REST: variants seen among roughly 807,000 people sequenced by gnomAD.
REST encodes RE1 silencing transcription factor, also known as RE1-silencing transcription factor.
Under a neutral mutation model 30.4 loss-of-function variants are expected in REST, and 1 was observed. The ratio of observed to expected loss-of-function variants is 0.03; its 90% CI spans 0.01 to 0.16. The LOEUF is 0.16. Among genes scored for constraint, REST ranks in the 10% least tolerant of loss-of-function variants. The pLI is 1.00. For missense variants in REST, 1,259 were observed against 1,329.5 expected (o/e 0.95, Z 0.82); for synonymous variants, 504 against 451.1 (o/e 1.12, Z -1.49).
chr4:56,919,698 G>T, intron 2 of REST, 89 bp from the exon 3 acceptor site: 1 of 673,716 alleles, frequency 1.5e-6, no homozygotes, highest in South Asian at 2.9e-5. Flanking sequence ...AAAATGTGCT[G>T]AGCGCTGAAC....
rs17087265 is a variant in REST, at chr4:56,922,067, C to T, written c.982+2197C>T. Among the ~76,000 whole-genome samples, 3,501 of 152,186 alleles carry T rather than the reference C, an allele frequency of 0.023. 293 individuals are homozygous for T. In the East Asian group the frequency reaches 0.25, roughly 11 times the overall value. ...TGCTAGCCTTTCTTGACCCTACGTGCTTGTCACGCTAATGTACTTTGAGTG... is the reference window on the plus strand; with the variant it reads ...TGCTAGCCTTTCTTGACCCTACGTGTTTGTCACGCTAATGTACTTTGAGTG... On this transcript the variant is annotated intron_variant, in intron 3 of 3. Coordinates refer to ENST00000309042, the MANE Select transcript of REST (RefSeq NM_005612.5).
chr4:56,932,738 GTGT>G lies in REST; in HGVS notation c.*588_*590del. The stretch of plus-strand genomic sequence containing the variant: ...TCGTCATAAAAACAGTGATTTTGGT[GTGT>G]TTTTTATTTTGGTGCTTTAATGGCT... On this transcript the variant is annotated 3_prime_UTR_variant, in exon 4 of 4. Transcript: ENST00000309042. 6.6e-6 allele frequency: 1 copy of G among 151,724 alleles called. No individual in the cohort carries two copies. Among genetic ancestry groups the G allele is most frequent in the South Asian group, 2.1e-4 (1 of 4,806 alleles). 9.4% of individuals were successfully genotyped at this position (151,724 alleles called of 1,614,324 possible).
chr4:56,915,846 T>C (rs1019276092), intron 2 of REST, among the ~76,000 whole-genome samples: 2 of 152,172 alleles, frequency 1.3e-5, no homozygotes, highest in East Asian at 3.9e-4. Flanking sequence ...GAACAATCCA[T>C]TGAGGAAAAT....
At position 56,932,174 on chromosome 4, in the gene REST, A is replaced by G. The variant is rs1470760885; in HGVS notation, c.*22A>G. ...GTAATGAAACTTTGAACAAGGTTTC[A>G]GTTCTTAGTTTGTAAGGTATATTAC... On this transcript the variant is annotated 3_prime_UTR_variant, in exon 4 of 4. Coordinates refer to ENST00000309042, the MANE Select transcript of REST (RefSeq NM_005612.5). The G allele has an allele frequency of 1.3e-6, 2 of 1,576,490 alleles. No individual in the cohort carries two copies. The highest frequency in any genetic ancestry group is 1.7e-6 in the Non-Finnish European group (2 of 1,162,866).
At chr4:56,924,294 T>C (rs527565334) in intron 3 of REST, among the ~76,000 whole-genome samples, 6 of 152,326 alleles carry the variant, frequency 3.9e-5, no homozygotes, top group African/African-American at 1.4e-4. Context: ...TGAGATATAA[T>C]TTATAAATTT....
Position 56,931,622 on chromosome 4 carries a change from T to C in REST, c.2764T>C (p.Ser922Pro). The part of the protein sequence containing the change: ...NINESTHISS[S>P]GQNLNTPEGE... ...CAACGAATCTACCCATATTTCATCCTCTGGACAAAACTTGAATACGCCAGA... is the reference window on the plus strand; with the variant it reads ...CAACGAATCTACCCATATTTCATCCCCTGGACAAAACTTGAATACGCCAGA... The change falls in exon 4 of 4, where the codon TCT becomes CCT. Residue 922 changes from serine to proline, a missense_variant. Ser to Pro is a moderately conservative substitution (Grantham distance 74). Around this residue, in one of 5 missense-constraint regions of REST, gnomAD observed 856 missense variants for 772.8 expected, o/e 1.11. Coordinates refer to ENST00000309042, the MANE Select transcript of REST (RefSeq NM_005612.5). The C allele has an allele frequency of 6.2e-7, 1 of 1,614,218 alleles. No individual in the cohort carries two copies.
At chr4:56,929,048 T>A (rs1720841041) in intron 3 of REST, among the ~76,000 whole-genome samples, 1 of 151,078 alleles carries the variant, frequency 6.6e-6, no homozygotes, top group African/African-American at 2.4e-5. Flanking sequence ...ACAGGTGCAC[T>A]CCACTATGCC....
intron 3 of REST, among the ~76,000 whole-genome samples, chr4:56,926,412 T>C (rs1276999176): frequency 1.3e-5 from 2 of 151,366 alleles, no homozygotes; most frequent in Non-Finnish European, 2.9e-5. Context: ...AGTCTTGCTC[T>C]GTTGCCCAGG....
In REST at chr4:56,934,340, G is replaced by T. The variant is rs1281267054; in HGVS notation, c.*2188G>T. The T allele has an allele frequency of 6.6e-6, 1 of 152,026 alleles. No individual in the cohort carries two copies. The highest frequency in any genetic ancestry group is 1.5e-5 in the Non-Finnish European group (1 of 67,990). The allele number at this position is 152,026 out of a possible 1,614,324, so 9.4% of individuals were successfully genotyped here. A position where few individuals can be genotyped will look rare whatever the true frequency, so the allele number is the denominator to read the frequency against. On this transcript the variant is annotated 3_prime_UTR_variant, in exon 4 of 4. Coordinates refer to ENST00000309042, the MANE Select transcript of REST (RefSeq NM_005612.5). The stretch of plus-strand genomic sequence containing the variant: ...AGTTTGGGGAAGAGGTTTTTTTGTG[G>T]ATTCTTTCATACTGCAAAGAAAAAC...
chr4:56,908,435 G>T (rs1002587890), intron 1 of REST, among the ~76,000 whole-genome samples: 1 of 151,838 alleles, frequency 6.6e-6, no homozygotes, highest in African/African-American at 2.4e-5. Flanking sequence ...GGGGGCGTTT[G>T]TTGGGAGCAG....
chr4:56,913,201 C>T (rs1169547947), intron 2 of REST, among the ~76,000 whole-genome samples: 2 of 151,798 alleles, frequency 1.3e-5, no homozygotes. Flanking sequence ...GGAGTCTCAC[C>T]CTGGAGCCCA....
chr4:56,910,599 G>T (rs1165579832), intron 1 of REST, 31 bp from the exon 2 acceptor site: 2 of 1,547,170 alleles, frequency 1.3e-6, no homozygotes, highest in Admixed American at 1.8e-5. Flanking sequence ...GTTTAAACTG[G>T]TGCTCTTGTT....
intron 2 of REST, among the ~76,000 whole-genome samples, chr4:56,915,939 C>G (rs1318527140): frequency 6.6e-6 from 1 of 152,170 alleles, no homozygotes; most frequent in African/African-American, 2.4e-5. Flanking sequence ...AGGTCATATA[C>G]AAGTATCATT....
Position 56,910,678 on chromosome 4 carries a change from G to A in REST, c.40G>A (p.Gly14Arg), listed in dbSNP as rs1216190809. Residue 14 changes from glycine (G) to arginine (R), a missense_variant, in exon 2 of 4, where the codon GGG becomes AGG. Physicochemically the swap from Gly to Arg is moderately radical, Grantham distance 125. Around this residue, in one of 5 missense-constraint regions of REST, gnomAD observed 249 missense variants for 251.5 expected, o/e 0.99. Transcript: ENST00000309042. Reference sequence around the variant, plus strand: ...AATGGGGCAGTCTTCTGGAGGAGGAGGGCTGTTTACCAGCAGTGGCAACAT... The same window carrying A: ...AATGGGGCAGTCTTCTGGAGGAGGAAGGCTGTTTACCAGCAGTGGCAACAT... The part of the protein sequence containing the change: ...QVMGQSSGGG[G>R]LFTSSGNIGM... 2 of 1,613,830 alleles carry A rather than the reference G, an allele frequency of 1.2e-6. No individual in the cohort carries two copies. The highest frequency in any genetic ancestry group is 2.2e-5 in the South Asian group (2 of 91,072).
chr4:56,926,185 G>C (rs1015283557), intron 3 of REST, among the ~76,000 whole-genome samples: 1 of 145,568 alleles, frequency 6.9e-6, no homozygotes, highest in Admixed American at 6.9e-5. Flanking sequence ...TCAGCCTCCC[G>C]AGTAGCTGGG....
At position 56,911,283 on chromosome 4, in the gene REST, C is replaced by T; in HGVS notation, c.645C>T (p.Pro215=). Residue 215 remains proline (P), a synonymous_variant, in exon 2 of 4, where the codon CCC becomes CCT. Coordinates refer to ENST00000309042, the MANE Select transcript of REST (RefSeq NM_005612.5). The part of the protein sequence containing the change: ...TAEEGDFSKG[P]IRCDRCGYNT... ...AAGAGGGAGATTTCTCCAAGGGCCC[C>T]ATTCGCTGTGACCGCTGCGGCTACA... 7 of 1,614,162 alleles carry T rather than the reference C, an allele frequency of 4.3e-6. No individual in the cohort carries two copies. The highest frequency in any genetic ancestry group is 5.1e-6 in the Non-Finnish European group (6 of 1,180,038).
intron 2 of REST, among the ~76,000 whole-genome samples, chr4:56,914,240 A>G (rs1220141649): frequency 6.6e-6 from 1 of 152,132 alleles, no homozygotes; most frequent in African/African-American, 2.4e-5. Context: ...TAATTTTTAA[A>G]AATTTATTTT....
At position 56,930,070 on chromosome 4, in the gene REST, A is replaced by G. The variant is rs1432939092; in HGVS notation, c.1212A>G (p.Leu404=). The G allele has an allele frequency of 1.2e-6, 2 of 1,613,944 alleles. No homozygotes were observed. Among genetic ancestry groups the G allele is most frequent in the Non-Finnish European group, 1.7e-6 (2 of 1,179,954 alleles). The stretch of plus-strand genomic sequence containing the variant: ...ATGCAGCTTCCAAGAAGTGTAATCT[A>G]CAGTATCACTTCAAATCTAAGCATC... ...CDYAASKKCN[L]QYHFKSKHPT... The change falls in exon 4 of 4, where the codon CTA becomes CTG. Residue 404 remains leucine, a synonymous_variant. Coordinates refer to ENST00000309042, the MANE Select transcript of REST (RefSeq NM_005612.5).
In REST at chr4:56,911,042, G is replaced by A. The variant is rs1366817450; in HGVS notation, c.404G>A (p.Ser135Asn). 1 of 1,614,132 alleles carries A rather than the reference G, an allele frequency of 6.2e-7. No homozygotes were observed. The highest frequency in any genetic ancestry group is 1.7e-5 in the Admixed American group (1 of 60,000). The stretch of plus-strand genomic sequence containing the variant: ...GCATCAGGTGCTCCAGATATTTACA[G>A]TTCAAATAAAGATCTTCCCCCTGAA... The part of the protein sequence containing the change: ...FEASGAPDIY[S>N]SNKDLPPETP... Residue 135 changes from serine to asparagine, a missense_variant, in exon 2 of 4, where the codon AGT becomes AAT. Around this residue, in one of 5 missense-constraint regions of REST, gnomAD observed 249 missense variants for 251.5 expected, o/e 0.99. Coordinates refer to ENST00000309042, the MANE Select transcript of REST (RefSeq NM_005612.5).
Sources: allele counts gnomAD v4.1 joint callset (sites outside exome capture counted in the v4.1 genomes callset), GRCh38; gene constraint gnomAD v4.1.1; regional missense constraint gnomAD v4.1.1; transcripts MANE v1.5; gene names NCBI Gene and HGNC (gene_info 2026-07-23, HGNC 2026-07-21).